The following TACC3 variants were observed in gnomAD, a reference collection of about 807,000 sequenced individuals.
TACC3 encodes transforming acidic coiled-coil-containing protein 3.
In TACC3, 52 loss-of-function variants were observed where a neutral mutation model predicts 86.0. That is an observed-to-expected ratio of 0.60 (90% CI 0.48 to 0.76). The LOEUF is 0.76. Among genes scored for constraint, TACC3 ranks in the 30% least tolerant of loss-of-function variants. The pLI is 0.00. For synonymous variants in TACC3, 512 were observed against 430.0 expected (o/e 1.19, Z -2.36); for missense variants, 1,120 against 1,070.4 (o/e 1.05, Z -0.65).
chr4:1,728,973 C>T (rs1285527758), intron 4 of TACC3, among the ~76,000 whole-genome samples, 186 bp downstream of exon 4: 1 of 152,222 alleles, frequency 6.6e-6, no homozygotes, highest in East Asian at 1.9e-4. Flanking sequence ...TTGGCCTTGC[C>T]TTGGCTGCCA....
At chr4:1,739,058 C>T (rs1489110419) in intron 10 of TACC3, among the ~76,000 whole-genome samples, 1 of 152,148 alleles carries the variant, frequency 6.6e-6, no homozygotes, top group African/African-American at 2.4e-5. Flanking sequence ...CCTGTAATCC[C>T]AGTACTTTGG....
At chr4:1,736,422 CAAAA>C (rs1164866581) in intron 8 of TACC3, among the ~76,000 whole-genome samples, 1 of 65,822 alleles carries the variant, frequency 1.5e-5, no homozygotes. Context: ...GACTCCATCT[CAAAA>C]AAAAAAAAAA....
Position 1,744,912 on chromosome 4 carries a change from CAGGGAGAAGCCCCGCA to C in TACC3, c.2452-34_2452-19del. The C allele has an allele frequency of 1.2e-6, 2 of 1,611,280 alleles. No homozygotes were observed. The highest frequency in any genetic ancestry group is 1.7e-6 in the Non-Finnish European group (2 of 1,179,326). On this transcript the variant is annotated intron_variant, in intron 15 of 15. Coordinates refer to ENST00000313288, the MANE Select transcript of TACC3 (RefSeq NM_006342.3). ...CCTTGGGCCTGCTGCTCCCTCCAAG[CAGGGAGAAGCCCCGCA>C]ACTCATCTTCCTCCTCCAGACTAAA... is the stretch of plus-strand genomic sequence containing the variant.
Position 1,742,447 on chromosome 4 carries a change from C to T in TACC3, c.2223+1461C>T, listed in dbSNP as rs1422321294. ...CTACTTCCTCATGGAGGCTCCTTTG[C>T]ACATCTAATCCCATCTTGGACGACC... On this transcript the variant is annotated intron_variant, in intron 13 of 15. Transcript: ENST00000313288. Among the ~76,000 whole-genome samples, 5 of 152,248 alleles carry T rather than the reference C, an allele frequency of 3.3e-5. 1 individual carries two copies. The highest frequency in any genetic ancestry group is 4.8e-5 in the African/African-American group (2 of 41,472).
chr4:1,732,372 G>A (rs1176821783), intron 6 of TACC3, among the ~76,000 whole-genome samples: 1 of 147,910 alleles, frequency 6.8e-6, no homozygotes, highest in East Asian at 1.9e-4. Flanking sequence ...AGTTGAATAC[G>A]GTTTGTCCGT....
Position 1,737,682 on chromosome 4 carries a change from C to T in TACC3, c.1921C>T (p.Gln641Ter). The T allele has an allele frequency of 1.9e-6, 3 of 1,551,096 alleles. No homozygotes were observed. The highest frequency in any genetic ancestry group is 2.6e-6 in the Non-Finnish European group (3 of 1,146,934). The change falls in exon 10 of 16, where the codon CAG becomes TAG. Residue 641 changes from glutamine (Q) to a stop codon, truncating the protein, a stop_gained. Coordinates refer to ENST00000313288, the MANE Select transcript of TACC3 (RefSeq NM_006342.3). LOFTEE classifies it high-confidence loss of function. ...TATAGTGGACCTGCTCCAGTACAGCCAGAAGGACCTGGATGCAGTGGTAAG... is the reference window on the plus strand; with the variant it reads ...TATAGTGGACCTGCTCCAGTACAGCTAGAAGGACCTGGATGCAGTGGTAAG... The part of the protein sequence containing the change: ...GPIVDLLQYS[Q>*]KDLDAVVKAT...
In TACC3 at chr4:1,732,829, C is replaced by T. The variant is rs143894125; in HGVS notation, c.1591+1528C>T. Among the ~76,000 whole-genome samples, 593 of 152,328 alleles carry T rather than the reference C, an allele frequency of 3.9e-3. 3 individuals are homozygous for T. Among genetic ancestry groups the T allele is most frequent in the African/African-American group, 0.013 (559 of 41,582 alleles). On this transcript the variant is annotated intron_variant, in intron 6 of 15. Transcript: ENST00000313288. ...TTGCCGTGGCAGCTTGGCTTCACATCATCTTATCCATTCATTCATGGATTT... is the reference window on the plus strand; with the variant it reads ...TTGCCGTGGCAGCTTGGCTTCACATTATCTTATCCATTCATTCATGGATTT...
At chr4:1,720,907 T>G, upstream of TACC3, 4 of 1,188,714 alleles carry the variant, frequency 3.4e-6, no homozygotes, top group Admixed American at 4.3e-5. The surrounding 1 kb of genome is among the most constrained non-coding windows in gnomAD (Gnocchi z 4.4). Flanking sequence ...CAGCGCCCAG[T>G]CCCGGACCTG....
intron 9 of TACC3, 47 bp downstream of exon 9, chr4:1,737,375 G>A (rs375055499): frequency 3.2e-6 from 5 of 1,573,848 alleles, no homozygotes; most frequent in South Asian, 2.2e-5. Context: ...TGGTCTGAGG[G>A]AACGAGTTGT....
intron 10 of TACC3, among the ~76,000 whole-genome samples, chr4:1,739,018 A>G (rs549816390): frequency 6.6e-6 from 1 of 152,294 alleles, no homozygotes; most frequent in African/African-American, 2.4e-5. Context: ...AGAATCAAAG[A>G]AGAGATCTGG....
chr4:1,721,822 C>T (rs1717387106), intron 1 of TACC3, 179 bp downstream of exon 1: 1 of 152,218 alleles, frequency 6.6e-6, no homozygotes, highest in Admixed American at 6.5e-5. Context: ...GTCATGGGAC[C>T]CGGCCCTAGA....
rs538491545 is a variant in TACC3, at chr4:1,727,583, G to C, written c.306-125G>C. The C allele has an allele frequency of 2.5e-5, 37 of 1,462,242 alleles. No individual in the cohort carries two copies. The African/African-American group carries it at 5.1e-4, about 20-fold the overall frequency. 90.6% of individuals were successfully genotyped at this position (1,462,242 alleles called of 1,614,324 possible). A position where few individuals can be genotyped will look rare whatever the true frequency, so the allele number is the denominator to read the frequency against. ...GGTGGGGGGTGGAGAACGGGAAGCC[G>C]TGCCAAGGGTGACTCAGCCCTGCTT... On this transcript the variant is annotated intron_variant, in intron 3 of 15. Coordinates refer to ENST00000313288, the MANE Select transcript of TACC3 (RefSeq NM_006342.3).
intron 6 of TACC3, among the ~76,000 whole-genome samples, chr4:1,733,189 CTT>C (rs1375729947): frequency 6.6e-6 from 1 of 152,138 alleles, no homozygotes; most frequent in Admixed American, 6.5e-5. Context: ...GAACGAGCGT[CTT>C]TTTATGTGCT....
chr4:1,729,182 C>G (rs893135293), intron 4 of TACC3, among the ~76,000 whole-genome samples: 13 of 152,108 alleles, frequency 8.5e-5, no homozygotes, highest in African/African-American at 2.9e-4. Flanking sequence ...TTGCTGGGGT[C>G]TTGGCCGTGG....
intron 1 of TACC3, among the ~76,000 whole-genome samples, chr4:1,722,267 G>T (rs1340971576): frequency 6.6e-6 from 1 of 152,314 alleles, no homozygotes; most frequent in Non-Finnish European, 1.5e-5. Flanking sequence ...AGCTCCTCCA[G>T]GCCGCCAGAA....
At chr4:1,744,300 C>T (rs543012518) in intron 13 of TACC3, 28 of 555,392 alleles carry the variant, frequency 5.0e-5, no homozygotes, top group Non-Finnish European at 8.0e-5. Context: ...GGTTCAGGCC[C>T]GGCATCTCAG....
In TACC3 at chr4:1,745,036, GC is replaced by G; in HGVS notation, c.*29del. On this transcript the variant is annotated 3_prime_UTR_variant, in exon 16 of 16. Coordinates refer to ENST00000313288, the MANE Select transcript of TACC3 (RefSeq NM_006342.3). ...TGACCTCCACGGAGCCGCTGTCCCC[GC>G]CCCCCTGCTCCCGTCTGTCTGTCCT... 3.1e-6 allele frequency: 5 copies of G among 1,589,796 alleles called. No individual in the cohort carries two copies. Among genetic ancestry groups the G allele is most frequent in the South Asian group, 1.1e-5 (1 of 87,560 alleles).
intron 3 of TACC3, 105 bp from the exon 4 acceptor site, chr4:1,727,603 C>T: frequency 1.3e-6 from 2 of 1,507,262 alleles, no homozygotes; most frequent in Middle Eastern, 3.6e-4. Context: ...TGACTCAGCC[C>T]TGCTTCTGGT....
chr4:1,739,823 G>T, intron 11 of TACC3, 45 bp downstream of exon 11: 1 of 624,296 alleles, frequency 1.6e-6, no homozygotes, highest in Non-Finnish European at 2.2e-6. Flanking sequence ...CATCCCCCTC[G>T]CCATCCTTGT....
Sources: allele counts gnomAD v4.1 joint callset (sites outside exome capture counted in the v4.1 genomes callset), GRCh38; gene constraint gnomAD v4.1.1; non-coding constraint Gnocchi (gnomAD v3.1); transcripts MANE v1.5; gene names NCBI Gene and HGNC (gene_info 2026-07-23, HGNC 2026-07-21).